The following ATXN10 variants were observed in gnomAD, a reference collection of about 807,000 sequenced individuals.
The protein encoded by ATXN10 is ataxin-10.
A neutral mutation model predicts 52.9 loss-of-function variants in ATXN10; 28 were observed. That is an observed-to-expected ratio of 0.53 (90% CI 0.39 to 0.73). The LOEUF (loss-of-function observed/expected upper bound fraction) is 0.73, where lower values mean the gene tolerates loss of function less well. ATXN10 is among the 30% of genes least tolerant of loss of function. The pLI is 0.00. For missense variants in ATXN10, 565 were observed against 577.0 expected (o/e 0.98, Z 0.21); for synonymous variants, 226 against 221.5 (o/e 1.02, Z -0.18).
At chr22:45,747,069 T>A (rs1379406505) in intron 9 of ATXN10, among the ~76,000 whole-genome samples, 1 of 152,188 alleles carries the variant, frequency 6.6e-6, no homozygotes, top group African/African-American at 2.4e-5. Flanking sequence ...TGATGTTTTG[T>A]CTTTCATGAA....
At chr22:45,773,606 C>T (rs1427704306) in intron 9 of ATXN10, among the ~76,000 whole-genome samples, 5 of 152,028 alleles carry the variant, frequency 3.3e-5, no homozygotes. Context: ...TTACAGGCTG[C>T]ACCATCATGC....
intron 10 of ATXN10, among the ~76,000 whole-genome samples, chr22:45,809,892 G>A (rs1278630664): frequency 6.6e-6 from 1 of 151,818 alleles, no homozygotes; most frequent in Non-Finnish European, 1.5e-5. Flanking sequence ...TTTCTTTATA[G>A]TTTCTTTTGA....
At chr22:45,797,483 C>T (rs557582739) in intron 9 of ATXN10, among the ~76,000 whole-genome samples, 8 of 152,176 alleles carry the variant, frequency 5.3e-5, no homozygotes, top group African/African-American at 1.2e-4. Flanking sequence ...ACAACCATAT[C>T]GAAATTAGAA....
Position 45,701,414 on chromosome 22 carries a change from T to C in ATXN10, c.488+1036T>C, listed in dbSNP as rs1923839569. Reference sequence around the variant, plus strand: ...GCCCTTCCTTGTTGTACAGCTTTCCTGGGCTCCTCTGTGAAGTATAGCGTT... The same window carrying C: ...GCCCTTCCTTGTTGTACAGCTTTCCCGGGCTCCTCTGTGAAGTATAGCGTT... On this transcript the variant is annotated intron_variant, in intron 4 of 11. Transcript: ENST00000252934. This position sits in a 1 kb window ranked among gnomAD's most constrained non-coding sequence, Gnocchi z 4.2. Among the ~76,000 whole-genome samples, 1 of 152,190 alleles carries C rather than the reference T, an allele frequency of 6.6e-6. No individual in the cohort carries two copies. The highest frequency in any genetic ancestry group is 1.5e-5 in the Non-Finnish European group (1 of 68,020).
chr22:45,687,248 G>A (rs897670016), intron 1 of ATXN10, among the ~76,000 whole-genome samples: 1 of 152,086 alleles, frequency 6.6e-6, no homozygotes, highest in African/African-American at 2.4e-5. Context: ...TTCTATGGTC[G>A]GGAAATCATT....
At chr22:45,753,171 C>G (rs1048711988) in intron 9 of ATXN10, among the ~76,000 whole-genome samples, 2 of 151,370 alleles carry the variant, frequency 1.3e-5, no homozygotes, top group African/African-American at 4.8e-5. Flanking sequence ...TCCCTCTTCC[C>G]TTAACCCCTC....
At chr22:45,734,960 C>G (rs1925235514) in intron 7 of ATXN10, among the ~76,000 whole-genome samples, 1 of 151,542 alleles carries the variant, frequency 6.6e-6, no homozygotes, top group African/African-American at 2.4e-5. Context: ...TCTTGGCTCA[C>G]TGCAACCTCC....
rs922925734 is a variant in ATXN10, at chr22:45,718,348, A to G, written c.648-65A>G. 70 of 1,191,568 alleles carry G rather than the reference A, an allele frequency of 5.9e-5. No individual in the cohort carries two copies. In the Admixed American group the frequency reaches 1.1e-3, roughly 20 times the overall value. The allele number at this position is 1,191,568 out of a possible 1,614,324, so 73.8% of individuals were successfully genotyped here. A position where few individuals can be genotyped will look rare whatever the true frequency, so the allele number is the denominator to read the frequency against. On this transcript the variant is annotated intron_variant, in intron 5 of 11. Coordinates refer to ENST00000252934, the MANE Select transcript of ATXN10 (RefSeq NM_013236.4). The surrounding 1 kb of genome is among the most constrained non-coding windows in gnomAD (Gnocchi z 4.4). ...TGTGTGTAAGTGGTGCCTATAAAGT[A>G]GATAAGGGCATGTCTCTTTTACTAT...
In ATXN10 at chr22:45,758,863, A is replaced by T. The variant is rs571973559; in HGVS notation, c.1173+18325A>T. ...ATAGCAAGAATTCTAGTGCTGTGTT[A>T]TGCATACCAAGCTTACCGTTTATTC... On this transcript the variant is annotated intron_variant, in intron 9 of 11. Coordinates refer to ENST00000252934, the MANE Select transcript of ATXN10 (RefSeq NM_013236.4). Among the ~76,000 whole-genome samples, 214 of 152,342 alleles carry T rather than the reference A, an allele frequency of 1.4e-3. 1 individual carries two copies. Among genetic ancestry groups the T allele is most frequent in the Middle Eastern group, 3.4e-3 (1 of 294 alleles).
At chr22:45,768,599 G>A (rs574008364) in intron 9 of ATXN10, among the ~76,000 whole-genome samples, 3 of 152,174 alleles carry the variant, frequency 2.0e-5, no homozygotes, top group Non-Finnish European at 4.4e-5. Flanking sequence ...TGAGAGAGAA[G>A]GGCATGTTAA....
chr22:45,836,686 T>C (rs947737757), intron 10 of ATXN10, among the ~76,000 whole-genome samples: 1 of 152,240 alleles, frequency 6.6e-6, no homozygotes, highest in African/African-American at 2.4e-5. Flanking sequence ...CATGTTTTCT[T>C]CTTTGGCTGA....
chr22:45,735,971 C>G (rs1925280586), intron 7 of ATXN10, among the ~76,000 whole-genome samples: 1 of 151,866 alleles, frequency 6.6e-6, no homozygotes, highest in Admixed American at 6.6e-5. Context: ...TCCAGATGCT[C>G]ATTAGAAACA....
intron 9 of ATXN10, among the ~76,000 whole-genome samples, chr22:45,752,542 T>G (rs1235798432): frequency 2.4e-5 from 1 of 42,334 alleles, no homozygotes; most frequent in South Asian, 5.4e-4. Context: ...CCTGAGGGGT[T>G]GGGGTTGGGG....
chr22:45,729,333 T>A (rs1924994830), intron 6 of ATXN10, 92 bp from the exon 7 acceptor site: 1 of 1,296,388 alleles, frequency 7.7e-7, no homozygotes, highest in Non-Finnish European at 1.1e-6. Flanking sequence ...TTTAAAATAA[T>A]AATATTCCCT....
At chr22:45,691,680 G>A (rs1923384171) in intron 2 of ATXN10, among the ~76,000 whole-genome samples, 1 of 152,210 alleles carries the variant, frequency 6.6e-6, no homozygotes, top group Non-Finnish European at 1.5e-5. Flanking sequence ...TGAATCATGA[G>A]GTCAGGAGTT....
rs778618175 is a variant in ATXN10, at chr22:45,817,101, C to T, written c.1237+10079C>T. ...GCTTTAATATCTCATTTTGGCCATC[C>T]TGACGTTTGTTTGATGCAGTGAATG... On this transcript the variant is annotated intron_variant, in intron 10 of 11. Transcript: ENST00000252934. Among the ~76,000 whole-genome samples the T allele has an allele frequency of 1.6e-4, 24 of 152,272 alleles. 2 individuals are homozygous for T. The highest frequency in any genetic ancestry group is 4.3e-4 in the African/African-American group (18 of 41,570).
rs1926817020 is a variant in ATXN10 at position 45,772,644 on chromosome 22, G to A, written c.1173+32106G>A. ...GCGTTAAATATACAGCTCTCTTTGG[G>A]GGGAATCAATGTCTTACTGTGTTGA... On this transcript the variant is annotated intron_variant, in intron 9 of 11. Transcript: ENST00000252934. The surrounding 1 kb of genome is among the most constrained non-coding windows in gnomAD (Gnocchi z 4.1). Among the ~76,000 whole-genome samples the A allele has an allele frequency of 6.6e-6, 1 of 152,132 alleles. No homozygotes were observed. Among genetic ancestry groups the A allele is most frequent in the Non-Finnish European group, 1.5e-5 (1 of 68,020 alleles).
rs1277194080 is a variant in ATXN10, at chr22:45,740,532, A to T, written c.1167A>T (p.Gln389His). ...TGTGTTACAAGAATAAAGATAACCA[A>T]GACAAGGTAAGAGGATTTCTTAGTA... ...GNLCYKNKDNQDKVNELDGIP... is the reference protein window; with the variant it reads ...GNLCYKNKDNHDKVNELDGIP... The change falls in exon 9 of 12, where the codon CAA (glutamine) becomes CAT (histidine). Residue 389 changes from glutamine (Q) to histidine (H), a missense_variant. By Grantham distance (24) the Gln-to-His change is conservative. Coordinates refer to ENST00000252934, the MANE Select transcript of ATXN10 (RefSeq NM_013236.4). 6.2e-7 allele frequency: 1 copy of T among 1,613,748 alleles called. No individual in the cohort carries two copies.
intron 10 of ATXN10, among the ~76,000 whole-genome samples, chr22:45,808,273 C>G (rs562277241): frequency 2.0e-5 from 3 of 152,294 alleles, no homozygotes; most frequent in African/African-American, 7.2e-5. Flanking sequence ...CGAGAATGTT[C>G]AGGTACAATT....
Sources: gnomAD v4.1 joint callset for allele counts (sites outside exome capture counted in the v4.1 genomes callset) on GRCh38, gnomAD v4.1.1 for gene constraint, Gnocchi (gnomAD v3.1) non-coding constraint, MANE v1.5 for transcripts, NCBI Gene and HGNC (gene_info 2026-07-23, HGNC 2026-07-21) for gene names.